OLFM3: variants seen among roughly 807,000 people sequenced by gnomAD.
OLFM3 encodes noelin-3.
A neutral mutation model predicts 48.6 loss-of-function variants in OLFM3; 20 were observed. That is an observed-to-expected ratio of 0.41 (90% confidence interval 0.29 to 0.60). The LOEUF (loss-of-function observed/expected upper bound fraction) is 0.60. Among genes scored for constraint, OLFM3 ranks in the 20% least tolerant of loss-of-function variants. The probability of loss-of-function intolerance (pLI) is 0.28; values close to 1 mark genes in which losing one functional copy is unlikely to be tolerated. For synonymous variants in OLFM3, 222 were observed against 198.1 expected (o/e 1.12, Z -1.01); for missense variants, 437 against 544.3 (o/e 0.80, Z 1.96).
intron 1 of OLFM3, among the ~76,000 whole-genome samples, chr1:101,949,417 C>G (rs1305068821): frequency 6.6e-6 from 1 of 152,192 alleles, no homozygotes; most frequent in Non-Finnish European, 1.5e-5. Context: ...AAAATTGTCT[C>G]ATATACCTTA....
At chr1:101,960,827 A>T (rs1457917187) in intron 1 of OLFM3, among the ~76,000 whole-genome samples, 1 of 152,156 alleles carries the variant, frequency 6.6e-6, no homozygotes, top group African/African-American at 2.4e-5. Flanking sequence ...TCACAATAGC[A>T]TCCATCGTTA....
At chr1:101,893,616 G>C (rs1234395031) in intron 1 of OLFM3, 1 of 212,486 alleles carries the variant, frequency 4.7e-6, no homozygotes, top group East Asian at 1.3e-4. Context: ...CATATGTATG[G>C]ATATACAGCT....
At chr1:101,963,701 T>C (rs745667343) in intron 1 of OLFM3, among the ~76,000 whole-genome samples, 2 of 152,190 alleles carry the variant, frequency 1.3e-5, no homozygotes, top group Non-Finnish European at 2.9e-5. Context: ...TTTTATATCA[T>C]TGGTTTTGAT....
intron 1 of OLFM3, among the ~76,000 whole-genome samples, chr1:101,892,779 C>T (rs1658055171): frequency 6.6e-6 from 1 of 152,018 alleles, no homozygotes; most frequent in South Asian, 2.1e-4. Context: ...GTAGCCTGGG[C>T]AAAGAAATCC....
At chr1:101,807,843 T>C (rs1041851805) in intron 4 of OLFM3, among the ~76,000 whole-genome samples, 4 of 151,808 alleles carry the variant, frequency 2.6e-5, no homozygotes, top group African/African-American at 9.7e-5. Flanking sequence ...ATCTATGGAA[T>C]TGCAAGACCT....
At chr1:101,869,004 G>A (rs1005847201) in intron 1 of OLFM3, among the ~76,000 whole-genome samples, 1 of 152,218 alleles carries the variant, frequency 6.6e-6, no homozygotes, top group Non-Finnish European at 1.5e-5. Context: ...TGGATATCCA[G>A]GCAGAAGTTT....
chr1:101,967,801 G>A (rs544757345), intron 1 of OLFM3, among the ~76,000 whole-genome samples: 1 of 152,080 alleles, frequency 6.6e-6, no homozygotes, highest in African/African-American at 2.4e-5. Flanking sequence ...TGAGAAACAG[G>A]AATGGTACAA....
chr1:101,872,573 A>G (rs72987967), intron 1 of OLFM3, among the ~76,000 whole-genome samples: 3,670 of 152,066 alleles, frequency 0.024, 162 homozygotes, highest in African/African-American at 0.084. Context: ...GTCTGTAAAA[A>G]CTATTTATCT....
chr1:101,841,780 G>C (rs1045116609), intron 1 of OLFM3, among the ~76,000 whole-genome samples: 2 of 152,142 alleles, frequency 1.3e-5, no homozygotes, highest in African/African-American at 4.8e-5. Flanking sequence ...CTGATTTTCT[G>C]GGTATTTCAT....
chr1:101,858,169 T>A (rs1656506061), intron 1 of OLFM3, among the ~76,000 whole-genome samples: 1 of 152,106 alleles, frequency 6.6e-6, no homozygotes, highest in Non-Finnish European at 1.5e-5. Context: ...AAAAATAAAT[T>A]TTCTCTCATA....
chr1:101,977,373 A>T (rs1660984248), intron 1 of OLFM3, among the ~76,000 whole-genome samples: 1 of 152,176 alleles, frequency 6.6e-6, no homozygotes, highest in Non-Finnish European at 1.5e-5. Flanking sequence ...CTTTTCCTTC[A>T]GTACTAACTG....
intron 1 of OLFM3, among the ~76,000 whole-genome samples, chr1:101,875,575 T>C (rs1570585772): frequency 6.6e-6 from 1 of 152,004 alleles, no homozygotes; most frequent in East Asian, 1.9e-4. Flanking sequence ...AAATAAAATG[T>C]ATATTCTAGG....
intron 1 of OLFM3, chr1:101,910,027 C>CCTCCTCACCTTTCCCCTCCATT: frequency 1.0e-6 from 1 of 985,388 alleles, no homozygotes; most frequent in Non-Finnish European, 1.2e-6. Flanking sequence ...TATTTTTCCT[C>CCTCCTCACCTTTCCCCTCCATT]CTCCTCACCT....
intron 1 of OLFM3, among the ~76,000 whole-genome samples, chr1:101,962,925 G>A (rs941816664): frequency 1.3e-5 from 2 of 152,188 alleles, no homozygotes; most frequent in Non-Finnish European, 2.9e-5. Context: ...TCATTGGGCT[G>A]CTAGTTAAAT....
chr1:101,911,213 T>C (rs1032418722), intron 1 of OLFM3, among the ~76,000 whole-genome samples: 1 of 152,108 alleles, frequency 6.6e-6, no homozygotes, highest in African/African-American at 2.4e-5. Context: ...TAACTTAAGA[T>C]AAATATGGTT....
At chr1:101,873,320 G>T (rs1388801370) in intron 1 of OLFM3, among the ~76,000 whole-genome samples, 1 of 151,872 alleles carries the variant, frequency 6.6e-6, no homozygotes, top group African/African-American at 2.4e-5. Flanking sequence ...ATTTAACATT[G>T]TATTCTTGCT....
intron 1 of OLFM3, among the ~76,000 whole-genome samples, chr1:101,937,059 G>T (rs1659643919): frequency 6.6e-6 from 1 of 152,142 alleles, no homozygotes; most frequent in Non-Finnish European, 1.5e-5. Flanking sequence ...CCCTGACAAA[G>T]ATTTCATGAT....
At chr1:101,814,427 A>C (rs1046832228) in intron 4 of OLFM3, among the ~76,000 whole-genome samples, 1 of 152,196 alleles carries the variant, frequency 6.6e-6, no homozygotes, top group African/African-American at 2.4e-5. Context: ...TATCATACAG[A>C]AATAAATTTA....
intron 1 of OLFM3, among the ~76,000 whole-genome samples, chr1:101,944,776 A>C (rs1659902708): frequency 6.6e-6 from 1 of 151,960 alleles, no homozygotes; most frequent in South Asian, 2.1e-4. Context: ...GCTACTCAGG[A>C]GGCTGAGGCA....
Sources: gnomAD v4.1 joint callset for allele counts (sites outside exome capture counted in the v4.1 genomes callset) on GRCh38, gnomAD v4.1.1 for gene constraint, MANE v1.5 for transcripts, NCBI Gene and HGNC (gene_info 2026-07-23, HGNC 2026-07-21) for gene names.